The following RBFOX1 variants were observed in gnomAD, a reference collection of about 807,000 sequenced individuals.
RBFOX1 encodes RNA binding protein fox-1 homolog 1.
In RBFOX1, 8 loss-of-function variants were observed where a neutral mutation model predicts 57.7. The ratio of observed to expected loss-of-function variants is 0.14; its 90% CI spans 0.08 to 0.25. The LOEUF (loss-of-function observed/expected upper bound fraction) is 0.25. Ranked by LOEUF, RBFOX1 falls within the 10% of genes least tolerant of loss-of-function variation. The probability of loss-of-function intolerance (pLI) is 1.00; values close to 1 mark genes in which losing one functional copy is unlikely to be tolerated. For missense variants in RBFOX1, 611 were observed against 548.5 expected, an observed-to-expected ratio of 1.11 and a Z score of -1.14; for synonymous variants, 326 against 222.4, an observed-to-expected ratio of 1.47 and a Z score of -4.15.
chr16:7,626,455 A>G (rs1356519223), intron 10 of RBFOX1, among the ~76,000 whole-genome samples: 2 of 152,128 alleles, frequency 1.3e-5, no homozygotes, highest in Non-Finnish European at 2.9e-5. Context: ...GGTTGTGGGG[A>G]TGCCGATGAT....
intron 9 of RBFOX1, among the ~76,000 whole-genome samples, chr16:7,605,780 G>A (rs2095260336): frequency 6.6e-6 from 1 of 152,118 alleles, no homozygotes; most frequent in Non-Finnish European, 1.5e-5. Flanking sequence ...TTGGTATTTG[G>A]CCTTCTGCTC....
At chr16:6,184,024 A>G (rs1226571573) in intron 1 of RBFOX1, among the ~76,000 whole-genome samples, 1 of 152,232 alleles carries the variant, frequency 6.6e-6, no homozygotes, top group African/African-American at 2.4e-5. Flanking sequence ...AGACCGCACA[A>G]TCGTGCCAGA....
intron 4 of RBFOX1, among the ~76,000 whole-genome samples, chr16:5,937,577 A>T (rs2059192742): frequency 6.6e-6 from 1 of 151,060 alleles, no homozygotes; most frequent in Non-Finnish European, 1.5e-5. Flanking sequence ...TTGCTTATTT[A>T]TATATAACTA....
chr16:7,015,151 TCTTA>T (rs1473437433), intron 3 of RBFOX1, among the ~76,000 whole-genome samples: 2 of 152,178 alleles, frequency 1.3e-5, no homozygotes, highest in Non-Finnish European at 2.9e-5. Flanking sequence ...TTTCCTTTCT[TCTTA>T]GTCACTCTCA....
intron 4 of RBFOX1, chr16:7,304,507 G>T (rs1393675614): frequency 2.0e-6 from 2 of 985,154 alleles, no homozygotes; most frequent in South Asian, 9.4e-5. Context: ...GTCTGCCCTC[G>T]GTGGCTGCTT....
intron 3 of RBFOX1, among the ~76,000 whole-genome samples, chr16:6,655,518 C>T (rs888848791): frequency 1.3e-5 from 2 of 151,910 alleles, no homozygotes; most frequent in African/African-American, 4.8e-5. Context: ...TTAGAGTCCC[C>T]TCACCCATTT....
intron 1 of RBFOX1, among the ~76,000 whole-genome samples, chr16:5,308,772 CTTATA>C (rs1288486277): frequency 2.0e-5 from 3 of 149,426 alleles, no homozygotes; most frequent in Non-Finnish European, 4.4e-5. Flanking sequence ...CAATATTTGT[CTTATA>C]TTAAGTATAC....
chr16:7,335,355 A>T (rs931103946), intron 4 of RBFOX1, among the ~76,000 whole-genome samples: 15 of 152,218 alleles, frequency 9.9e-5, no homozygotes. Context: ...ATGAGCCAAA[A>T]TAAACCATGT....
At chr16:7,307,900 C>G (rs1335194956) in intron 4 of RBFOX1, among the ~76,000 whole-genome samples, 4 of 152,212 alleles carry the variant, frequency 2.6e-5, no homozygotes, top group Admixed American at 2.0e-4. Flanking sequence ...TGGCTTCATG[C>G]TGTGTCTTCT....
chr16:5,590,713 AG>A (rs1314855258), intron 2 of RBFOX1, among the ~76,000 whole-genome samples: 1 of 152,128 alleles, frequency 6.6e-6, no homozygotes, highest in Non-Finnish European at 1.5e-5. Flanking sequence ...CTACCCCAGG[AG>A]GGGGTTTAAT....
chr16:7,266,039 A>C (rs192368498), intron 4 of RBFOX1, among the ~76,000 whole-genome samples: 5 of 127,658 alleles, frequency 3.9e-5, no homozygotes, highest in African/African-American at 6.2e-5. Context: ...CAGTGGCGCT[A>C]TCTTGGCTCA....
At position 6,618,075 on chromosome 16, in the gene RBFOX1, G is replaced by C. The variant is rs549972619; in HGVS notation, c.-63-36528G>C. 2.0e-5 allele frequency among the ~76,000 whole-genome samples: 3 copies of C among 152,218 alleles called. No homozygotes were observed. The East Asian group carries it at 5.8e-4, about 29-fold the overall frequency. On this transcript the variant is annotated intron_variant, in intron 2 of 15. Coordinates refer to ENST00000550418, the MANE Select transcript of RBFOX1 (RefSeq NM_018723.4). ...TGCAGCAATCCTTGTGTTTGTTTCT[G>C]CTGCTCTAGGCGGGAATCCCATCCC...
At chr16:6,980,769 A>C (rs1358410376) in intron 3 of RBFOX1, among the ~76,000 whole-genome samples, 2 of 152,128 alleles carry the variant, frequency 1.3e-5, no homozygotes, top group Non-Finnish European at 1.5e-5. Flanking sequence ...TGGAGCAGGT[A>C]CAGTAGCTCA....
At position 6,656,902 on chromosome 16, in the gene RBFOX1, A is replaced by ACTGTCCTCTCCTCCC. The variant is rs2098658577; in HGVS notation, c.-16+2254_-16+2255insGTCCTCTCCTCCCCT. On this transcript the variant is annotated intron_variant, in intron 3 of 15. Transcript: ENST00000550418. ...CCTCTCCTCTCCTCTCCTCCCCTCA[A>ACTGTCCTCTCCTCCC]CTCTCCTCTCCTCCCCTCTCCTCTC... is the stretch of plus-strand genomic sequence containing the variant. Among the ~76,000 whole-genome samples the ACTGTCCTCTCCTCCC allele has an allele frequency of 1.3e-3, 58 of 44,670 alleles. 6 individuals carry two copies. The highest frequency in any genetic ancestry group is 5.2e-3 in the African/African-American group (53 of 10,130). The allele number at this position is 44,670 out of a possible 152,430, so 29.3% of individuals were successfully genotyped here.
rs926991724 is a variant in RBFOX1, at chr16:5,582,165, C to T, written c.259-16737C>T. Among the ~76,000 whole-genome samples the T allele has an allele frequency of 3.9e-5, 6 of 152,176 alleles. No homozygotes were observed. The East Asian group carries it at 5.8e-4, about 15-fold the overall frequency. The stretch of plus-strand genomic sequence containing the variant: ...CCAGGGACTTGTATTACTCTCGCCC[C>T]GGGAGTACCAGACCTCACTCCCATG... On this transcript the variant is annotated intron_variant, in intron 2 of 2. Coordinates refer to the RBFOX1 transcript ENST00000585867.
In RBFOX1 at chr16:7,607,343, A is replaced by G. The variant is rs2141263094; in HGVS notation, c.676+5A>G. 1.2e-6 allele frequency: 2 copies of G among 1,608,142 alleles called. No homozygotes were observed. The highest frequency in any genetic ancestry group is 1.1e-5 in the South Asian group (1 of 89,086). On this transcript the variant is annotated splice_donor_5th_base_variant and intron_variant, in intron 10 of 15. Transcript: ENST00000550418. ...ACAGTCCCGAATTCTATGCAGGTACAGAGTTTCTCTTTGCACGAAGTCTTC... is the reference window on the plus strand; with the variant it reads ...ACAGTCCCGAATTCTATGCAGGTACGGAGTTTCTCTTTGCACGAAGTCTTC...
intron 2 of RBFOX1, among the ~76,000 whole-genome samples, chr16:6,373,560 G>T (rs942993986): frequency 8.1e-5 from 12 of 148,460 alleles, no homozygotes; most frequent in Admixed American, 7.3e-4. Context: ...TACGAGGATT[G>T]TTGTGTAGAA....
At chr16:5,923,611 G>C (rs2058879840) in intron 4 of RBFOX1, among the ~76,000 whole-genome samples, 1 of 140,930 alleles carries the variant, frequency 7.1e-6, no homozygotes, top group Non-Finnish European at 1.5e-5. Flanking sequence ...GTGCGATCTT[G>C]GCTGACTGCA....
At chr16:6,810,734 C>G in intron 3 of RBFOX1, among the ~76,000 whole-genome samples, 1 of 152,066 alleles carries the variant, frequency 6.6e-6, no homozygotes, top group East Asian at 1.9e-4. Context: ...ACCTTCTTCA[C>G]AGGGCAGCAA....
Sources: gnomAD v4.1 joint callset for allele counts (sites outside exome capture counted in the v4.1 genomes callset) on GRCh38, gnomAD v4.1.1 for gene constraint, MANE v1.5 for transcripts, NCBI Gene and HGNC (gene_info 2026-07-23, HGNC 2026-07-21) for gene names.